The following ADGRV1 variants were observed in gnomAD, a reference collection of about 807,000 sequenced individuals.
The protein encoded by ADGRV1 is adhesion G protein-coupled receptor V1, also known as G-protein coupled receptor 98.
Under a neutral mutation model 596.2 loss-of-function variants are expected in ADGRV1, and 359 were observed. That is an observed-to-expected ratio of 0.60 (90% CI 0.55 to 0.66). The LOEUF is 0.66. Among genes scored for constraint, ADGRV1 ranks in the 30% least tolerant of loss-of-function variants. The pLI, the probability that ADGRV1 is intolerant of heterozygous loss-of-function variation, is 0.00. For synonymous variants in ADGRV1, 2,681 were observed against 2,679.2 expected, an observed-to-expected ratio of 1.00 and a Z score of -0.02; for missense variants, 7,274 against 7,575.6, an observed-to-expected ratio of 0.96 and a Z score of 1.48.
chr5:90,916,073 T>C (rs1773323419), intron 83 of ADGRV1, among the ~76,000 whole-genome samples: 2 of 151,986 alleles, frequency 1.3e-5, no homozygotes, highest in Non-Finnish European at 2.9e-5. Context: ...ATTGGAGAGA[T>C]AGGAAGGAGG....
chr5:90,976,866 T>C (rs1779658720), intron 84 of ADGRV1, among the ~76,000 whole-genome samples: 1 of 152,186 alleles, frequency 6.6e-6, no homozygotes, highest in African/African-American at 2.4e-5. Context: ...TAATTTGAAA[T>C]ATAATCTTTT....
chr5:90,649,869 TGA>T (rs146927477), intron 17 of ADGRV1, among the ~76,000 whole-genome samples: 29 of 149,802 alleles, frequency 1.9e-4, no homozygotes, highest in South Asian at 2.1e-4. Flanking sequence ...TATTTGATTT[TGA>T]GAGAGAGAGA....
In ADGRV1 at chr5:90,766,315, T is replaced by A. The variant is rs375872061; in HGVS notation, c.12285+2846T>A. Among the ~76,000 whole-genome samples, 3 of 152,080 alleles carry A rather than the reference T, an allele frequency of 2.0e-5. No individual in the cohort carries two copies. In the East Asian group the frequency reaches 5.8e-4, roughly 29 times the overall value. On this transcript the variant is annotated intron_variant, in intron 59 of 89. Coordinates refer to ENST00000405460, the MANE Select transcript of ADGRV1 (RefSeq NM_032119.4). ...TGAAGGCAAAGCCAATCAACCACGC[T>A]GGATGTCTGGATATCATCCCCAGCT...
At chr5:91,154,591 T>C (rs552787084) in intron 89 of ADGRV1, among the ~76,000 whole-genome samples, 6 of 152,200 alleles carry the variant, frequency 3.9e-5, no homozygotes, top group Non-Finnish European at 8.8e-5. Context: ...GAATGGCACA[T>C]CCTATCTGTA....
chr5:91,085,362 T>G (rs1316492154), intron 86 of ADGRV1, among the ~76,000 whole-genome samples: 1 of 152,230 alleles, frequency 6.6e-6, no homozygotes, highest in African/African-American at 2.4e-5. Flanking sequence ...ACTTATTTAT[T>G]ATAAGTACTC....
chr5:91,142,990 G>C (rs939076950), intron 87 of ADGRV1, among the ~76,000 whole-genome samples: 1 of 152,186 alleles, frequency 6.6e-6, no homozygotes, highest in African/African-American at 2.4e-5. Flanking sequence ...CCTGCCAAGG[G>C]CGAGTGGAGT....
At chr5:90,675,120 TA>T in intron 23 of ADGRV1, 122 bp from the exon 24 acceptor site, 1 of 658,932 alleles carries the variant, frequency 1.5e-6, no homozygotes. Context: ...AAATATTTTC[TA>T]AATAAAGTCC....
At chr5:91,084,359 A>C (rs1272803890) in intron 86 of ADGRV1, among the ~76,000 whole-genome samples, 1 of 152,208 alleles carries the variant, frequency 6.6e-6, no homozygotes, top group African/African-American at 2.4e-5. Context: ...CAGAATCTAC[A>C]AAGAACTTAA....
At chr5:90,674,388 A>G in intron 23 of ADGRV1, 154 bp downstream of exon 23, 1 of 446,714 alleles carries the variant, frequency 2.2e-6, no homozygotes, top group Non-Finnish European at 3.9e-6. Flanking sequence ...TACTGTTTTG[A>G]GAGACATTGT....
intron 83 of ADGRV1, among the ~76,000 whole-genome samples, chr5:90,872,970 G>A (rs1315509821): frequency 1.3e-5 from 2 of 152,180 alleles, no homozygotes; most frequent in Non-Finnish European, 2.9e-5. Flanking sequence ...TTTTTAATGA[G>A]TGGTCCTTAC....
chr5:90,750,017 T>A (rs1476132990), intron 52 of ADGRV1, among the ~76,000 whole-genome samples: 1 of 152,126 alleles, frequency 6.6e-6, no homozygotes, highest in Non-Finnish European at 1.5e-5. Flanking sequence ...TAAGAGACAT[T>A]TGCCAGTGAT....
chr5:90,896,287 T>TTC (rs1771311096), intron 83 of ADGRV1, among the ~76,000 whole-genome samples: 1 of 146,094 alleles, frequency 6.8e-6, no homozygotes, highest in Non-Finnish European at 1.5e-5. Context: ...TTTTTTTTTT[T>TTC]TGAGACAGAG....
chr5:91,153,478 C>G, intron 89 of ADGRV1, 80 bp downstream of exon 89: 4 of 1,044,372 alleles, frequency 3.8e-6, no homozygotes, highest in East Asian at 2.6e-5. Context: ...CATGAAGTTG[C>G]AAAGTACTAT....
rs768119678 is a variant in ADGRV1, at chr5:90,750,675, A to ATATAT, written c.11101_11105dup (p.Phe3702LeufsTer8). The stretch of plus-strand genomic sequence containing the variant: ...TGGGAAGCTGATGGAAGTATTAGTG[A>ATATAT]TATATTTCCTACCTCAGGAGTGGTA... On this transcript the variant is annotated frameshift_variant, in exon 53 of 90. Coordinates refer to ENST00000405460, the MANE Select transcript of ADGRV1 (RefSeq NM_032119.4). LOFTEE classifies it high-confidence loss of function. 6.2e-7 allele frequency: 1 copy of ATATAT among 1,611,662 alleles called. No homozygotes were observed. Among genetic ancestry groups the ATATAT allele is most frequent in the Non-Finnish European group, 8.5e-7 (1 of 1,177,974 alleles).
At chr5:90,579,056 C>G (rs1033059704) in intron 1 of ADGRV1, among the ~76,000 whole-genome samples, 7 of 152,182 alleles carry the variant, frequency 4.6e-5, no homozygotes, top group Non-Finnish European at 7.3e-5. Context: ...AAAAAACCAG[C>G]TCCTGGATTC....
chr5:91,054,100 TGTGAGA>T (rs1308559878), intron 85 of ADGRV1, among the ~76,000 whole-genome samples: 22 of 108,274 alleles, frequency 2.0e-4, no homozygotes, highest in African/African-American at 5.5e-4. Context: ...TGTGTGTGTG[TGTGAGA>T]GAGAGAGAGA....
chr5:90,880,829 A>G (rs78280156), intron 83 of ADGRV1, among the ~76,000 whole-genome samples: 7,173 of 152,230 alleles, frequency 0.047, 226 homozygotes, highest in South Asian at 0.14. Flanking sequence ...ATAATTTCAA[A>G]TTTCTCACCC....
intron 76 of ADGRV1, among the ~76,000 whole-genome samples, chr5:90,823,917 A>G (rs2150303468): frequency 6.6e-6 from 1 of 152,288 alleles, no homozygotes; most frequent in Non-Finnish European, 1.5e-5. Context: ...TCTTATTCAC[A>G]ATTCTTTTTG....
chr5:90,805,649 A>G (rs1449988074), intron 72 of ADGRV1, among the ~76,000 whole-genome samples, 191 bp downstream of exon 72: 1 of 152,190 alleles, frequency 6.6e-6, no homozygotes, highest in African/African-American at 2.4e-5. Flanking sequence ...CAGTCAAATT[A>G]ACAACTCCAT....
Sources: gnomAD v4.1 joint callset for allele counts (sites outside exome capture counted in the v4.1 genomes callset) on GRCh38, gnomAD v4.1.1 for gene constraint, MANE v1.5 for transcripts, NCBI Gene and HGNC (gene_info 2026-07-23, HGNC 2026-07-21) for gene names.